Variants in SEH1L observed in about 807,000 individuals in gnomAD.
SEH1L encodes the protein nucleoporin SEH1.
Under a neutral mutation model 49.5 loss-of-function variants are expected in SEH1L, and 18 were observed. That is an observed-to-expected ratio of 0.36 (90% CI 0.25 to 0.54). The LOEUF is 0.54. SEH1L is among the 20% of genes least tolerant of loss of function. SEH1L has a pLI of 0.87. For missense variants in SEH1L, 404 were observed against 528.8 expected (o/e 0.76, Z 2.31); for synonymous variants, 169 against 178.1 (o/e 0.95, Z 0.41).
chr18:12,948,106 G>A lies in SEH1L; in HGVS notation c.-16G>A, dbSNP rs759418660. ...CCGCCACTGTCCTCTTCGGAGGCGC[G>A]GGCCCGACGGAAACCATGTTTGTGG... On this transcript the variant is annotated 5_prime_UTR_variant, in exon 1 of 9. Transcript: ENST00000399892. 4 of 1,600,068 alleles carry A rather than the reference G, an allele frequency of 2.5e-6. No individual in the cohort carries two copies. Among genetic ancestry groups the A allele is most frequent in the East Asian group, 2.3e-5 (1 of 44,438 alleles).
At chr18:12,984,384 GA>G in intron 8 of SEH1L, 194 bp downstream of exon 8, 1 of 610,970 alleles carries the variant, frequency 1.6e-6, no homozygotes, top group Non-Finnish European at 2.9e-6. Flanking sequence ...GGTAGGTTAT[GA>G]AGTCATTACA....
intron 4 of SEH1L, among the ~76,000 whole-genome samples, chr18:12,963,998 C>G (rs1242390632): frequency 6.6e-6 from 1 of 152,248 alleles, no homozygotes; most frequent in African/African-American, 2.4e-5. Flanking sequence ...CAGGCGTGAG[C>G]TGCTGCACCC....
At chr18:12,973,602 GAAATTACCTAAGTATTTCT>G (rs1477771086) in intron 5 of SEH1L, 1 of 152,148 alleles carries the variant, frequency 6.6e-6, no homozygotes, top group Non-Finnish European at 1.5e-5. Context: ...GGCCGGCCTA[GAAATTACCTAAGTATTTCT>G]AAATTACCTA....
rs940680250 is a variant in SEH1L, at chr18:12,951,361, G to A, written c.112-494G>A. Among the ~76,000 whole-genome samples, 35 of 152,162 alleles carry A rather than the reference G, an allele frequency of 2.3e-4. 1 individual carries two copies. Among genetic ancestry groups the A allele is most frequent in the Admixed American group, 2.1e-3 (32 of 15,278 alleles). The stretch of plus-strand genomic sequence containing the variant: ...AGCTCAGCTTCCTGAATCCCTTGGT[G>A]CTTGGCCCAGTGCTTGACACATTCA... On this transcript the variant is annotated intron_variant, in intron 1 of 8. Coordinates refer to ENST00000399892, the MANE Select transcript of SEH1L (RefSeq NM_001013437.2).
chr18:12,969,448 G>C (rs935106573), intron 4 of SEH1L, among the ~76,000 whole-genome samples: 2 of 151,300 alleles, frequency 1.3e-5, no homozygotes, highest in African/African-American at 4.9e-5. Context: ...CCAGCACTTT[G>C]GGAGGCCGAG....
chr18:12,983,177 G>GTC (rs2145670768), intron 7 of SEH1L: 1 of 152,782 alleles, frequency 6.5e-6, no homozygotes, highest in African/African-American at 2.4e-5. Flanking sequence ...ACTGACTGTG[G>GTC]TCTCTGTAGC....
At chr18:12,974,738 C>A (rs9948681) in intron 5 of SEH1L, among the ~76,000 whole-genome samples, 102,272 of 152,078 alleles carry the variant, frequency 0.67, 35,780 homozygotes, top group African/African-American at 0.86. Context: ...TATAGGTTAC[C>A]GGGCATTTTT....
At chr18:12,971,041 G>T in intron 4 of SEH1L, 112 bp from the exon 5 acceptor site, 1 of 705,520 alleles carries the variant, frequency 1.4e-6, no homozygotes, top group Non-Finnish European at 2.5e-6. Context: ...TTCACTAGTA[G>T]TGTGACAGGC....
chr18:12,983,699 G>C (rs1234041053), intron 7 of SEH1L, among the ~76,000 whole-genome samples: 1 of 152,168 alleles, frequency 6.6e-6, no homozygotes, highest in Non-Finnish European at 1.5e-5. Flanking sequence ...ATATGTAAGT[G>C]AAATTCATTA....
At chr18:12,952,199 A>G (rs2030577253) in intron 2 of SEH1L, among the ~76,000 whole-genome samples, 1 of 151,778 alleles carries the variant, frequency 6.6e-6, no homozygotes, top group Non-Finnish European at 1.5e-5. Context: ...TCTTAAAAAA[A>G]AAAAACAAAA....
At position 12,979,896 on chromosome 18, in the gene SEH1L, G is replaced by A. The variant is rs1202783879; in HGVS notation, c.761+1004G>A. Reference sequence around the variant, plus strand: ...GGGCTGACCCCCCCACCTCCTTCGCGGACGGGGCGGCTGGCCGGGCAGAGG... The same window carrying A: ...GGGCTGACCCCCCCACCTCCTTCGCAGACGGGGCGGCTGGCCGGGCAGAGG... On this transcript the variant is annotated intron_variant, in intron 6 of 8. Transcript: ENST00000399892. Among the ~76,000 whole-genome samples, 9 of 133,518 alleles carry A rather than the reference G, an allele frequency of 6.7e-5. 1 individual carries two copies. The highest frequency in any genetic ancestry group is 2.0e-4 in the African/African-American group (7 of 34,632). The allele number at this position is 133,518 out of a possible 152,430, so 87.6% of individuals were successfully genotyped here.
chr18:12,966,749 C>T lies in SEH1L; in HGVS notation c.521+3378C>T, dbSNP rs571909916. Among the ~76,000 whole-genome samples, 15 of 152,286 alleles carry T rather than the reference C, an allele frequency of 9.8e-5. No homozygotes were observed. The South Asian group carries it at 3.1e-3, about 32-fold the overall frequency. Reference sequence around the variant, plus strand: ...TCCCTTTAAAAATAAATGTTATTGTCTCAAATTGGGGATATCTTATGATCC... The same window carrying T: ...TCCCTTTAAAAATAAATGTTATTGTTTCAAATTGGGGATATCTTATGATCC... On this transcript the variant is annotated intron_variant, in intron 4 of 8. Transcript: ENST00000399892.
chr18:12,979,627 ACTTC>A (rs899115862), intron 6 of SEH1L, among the ~76,000 whole-genome samples: 1 of 150,958 alleles, frequency 6.6e-6, no homozygotes, highest in African/African-American at 2.4e-5. Flanking sequence ...GGGGCTCCTC[ACTTC>A]CCAGTAGGGG....
chr18:12,980,687 C>T (rs541333429), intron 6 of SEH1L, among the ~76,000 whole-genome samples: 60 of 115,818 alleles, frequency 5.2e-4, no homozygotes, highest in Admixed American at 4.0e-3. Context: ...GCTGGCAGGG[C>T]GGGGGGCTGA....
intron 1 of SEH1L, 104 bp from the exon 2 acceptor site, chr18:12,951,751 A>G: frequency 1.4e-6 from 1 of 702,676 alleles, no homozygotes. Context: ...TCTTTTGTTA[A>G]CTATATGTTC....
rs771128663 is a variant in SEH1L at position 12,987,002 on chromosome 18, G to A, written c.1211G>A (p.Arg404His). The A allele has an allele frequency of 2.3e-5, 37 of 1,612,928 alleles. No individual in the cohort carries two copies. The highest frequency in any genetic ancestry group is 2.0e-4 in the Admixed American group (12 of 59,918). The change falls in exon 9 of 9, where the codon CGC (arginine) becomes CAC (histidine). Residue 404 changes from arginine (R) to histidine (H), a missense_variant. Arg to His is a conservative substitution (Grantham distance 29, BLOSUM62 0). Around this residue, in one of 3 missense-constraint regions of SEH1L, gnomAD observed 342 missense variants for 430.8 expected, o/e 0.79. Transcript: ENST00000399892. ...DTANLQYPHPRRRYLSRPLNP... is the reference protein window; with the variant it reads ...DTANLQYPHPHRRYLSRPLNP... ...GCCAACCTCCAGTATCCTCACCCTCGCAGACGATATCTCTCTCGGCCTCTT... is the reference window on the plus strand; with the variant it reads ...GCCAACCTCCAGTATCCTCACCCTCACAGACGATATCTCTCTCGGCCTCTT...
At chr18:12,982,801 TTA>T (rs1204318197) in intron 7 of SEH1L, 126 bp downstream of exon 7, 4 of 701,016 alleles carry the variant, frequency 5.7e-6, no homozygotes, top group Admixed American at 2.8e-5. Flanking sequence ...TCATATTAAT[TTA>T]TGTTATTTTG....
intron 3 of SEH1L, among the ~76,000 whole-genome samples, chr18:12,956,496 G>T (rs1480397246): frequency 3.4e-5 from 5 of 147,254 alleles, no homozygotes; most frequent in South Asian, 2.2e-4. Context: ...TTATCCCAGG[G>T]CTTCTTTTTT....
intron 2 of SEH1L, among the ~76,000 whole-genome samples, chr18:12,952,803 C>G (rs1239730938): frequency 8.7e-6 from 1 of 115,424 alleles, no homozygotes; most frequent in Non-Finnish European, 1.7e-5. Flanking sequence ...TTTTTTTGAG[C>G]TGGCGTCTTG....
Sources: gnomAD v4.1 joint callset for allele counts (sites outside exome capture counted in the v4.1 genomes callset) on GRCh38, gnomAD v4.1.1 for gene constraint, gnomAD v4.1.1 regional missense constraint, MANE v1.5 for transcripts, NCBI Gene and HGNC (gene_info 2026-07-23, HGNC 2026-07-21) for gene names.